The following KRT72 variants were observed in gnomAD, a reference collection of about 807,000 sequenced individuals.
KRT72 encodes the protein keratin, type II cytoskeletal 72.
A neutral mutation model predicts 44.7 loss-of-function variants in KRT72; 44 were observed. The ratio of observed to expected loss-of-function variants is 0.98; its 90% CI spans 0.77 to 1.27. The LOEUF (loss-of-function observed/expected upper bound fraction) is 1.27. Ranked by LOEUF, KRT72 falls within the 50% of genes most tolerant of loss-of-function variation. The probability of loss-of-function intolerance (pLI) is 0.00; values close to 1 mark genes in which losing one functional copy is unlikely to be tolerated. For missense variants in KRT72, 736 were observed against 667.1 expected (o/e 1.10, Z -1.14); for synonymous variants, 302 against 280.4 (o/e 1.08, Z -0.77).
In KRT72 at chr12:52,595,282, G is replaced by A. The variant is rs561665032; in HGVS notation, c.642-2330C>T. ...TTATTATTTAAAAATATATTACAAT[G>A]AATAATTAAAAGTTAAATCATTAAA... On this transcript the variant is annotated intron_variant, in intron 2 of 8. Coordinates refer to ENST00000293745, the MANE Select transcript of KRT72 (RefSeq NM_080747.3). Among the ~76,000 whole-genome samples, 28 of 151,982 alleles carry A rather than the reference G, an allele frequency of 1.8e-4. 1 individual carries two copies. Among genetic ancestry groups the A allele is most frequent in the African/African-American group, 6.7e-4 (28 of 41,490 alleles).
intron 7 of KRT72, among the ~76,000 whole-genome samples, chr12:52,587,222 A>G (rs937413399): frequency 5.9e-5 from 9 of 152,016 alleles, no homozygotes; most frequent in African/African-American, 2.2e-4. Flanking sequence ...GTGTGGGATC[A>G]TTAGGCCTCC....
intron 2 of KRT72, among the ~76,000 whole-genome samples, chr12:52,596,480 G>A (rs1158017103): frequency 1.3e-5 from 2 of 151,320 alleles, no homozygotes; most frequent in African/African-American, 4.9e-5. Flanking sequence ...TTCGTTGTTT[G>A]GATAACTCAA....
intron 1 of KRT72, among the ~76,000 whole-genome samples, chr12:52,600,513 G>T (rs1400127903): frequency 1.3e-5 from 2 of 152,128 alleles, no homozygotes; most frequent in Admixed American, 1.3e-4. Flanking sequence ...GAGGGACCCA[G>T]GGGGGAGGTA....
At chr12:52,587,027 C>G in intron 7 of KRT72, 47 bp from the exon 8 acceptor site, 1 of 1,579,934 alleles carries the variant, frequency 6.3e-7, no homozygotes, top group East Asian at 2.2e-5. Context: ...AAATAATCAC[C>G]CCAACCACCT....
At chr12:52,596,810 C>T (rs924415310) in intron 2 of KRT72, among the ~76,000 whole-genome samples, 5 of 152,064 alleles carry the variant, frequency 3.3e-5, no homozygotes, top group African/African-American at 7.2e-5. Flanking sequence ...CTCAGCCTCC[C>T]GAAGTGCTGG....
At chr12:52,593,201 T>G (rs1036937456) in intron 2 of KRT72, among the ~76,000 whole-genome samples, 1 of 152,216 alleles carries the variant, frequency 6.6e-6, no homozygotes, top group South Asian at 2.1e-4. Context: ...GTGGTTGAGA[T>G]GTCATGCAGA....
chr12:52,591,381 C>CGCACACACACGTACACAT, intron 5 of KRT72, 83 bp downstream of exon 5: 2 of 1,174,810 alleles, frequency 1.7e-6, no homozygotes, highest in Non-Finnish European at 2.4e-6. Flanking sequence ...CACAAACACA[C>CGCACACACACGTACACAT]GCACACACAC....
chr12:52,601,697 G>C, upstream of KRT72: 2 of 531,396 alleles, frequency 3.8e-6, no homozygotes, highest in Non-Finnish European at 6.5e-6. Context: ...AAGTGACCCA[G>C]AACCCAGCAT....
intron 1 of KRT72, 79 bp downstream of exon 1, chr12:52,600,948 C>T: frequency 1.3e-6 from 2 of 1,515,704 alleles, no homozygotes; most frequent in Non-Finnish European, 9.0e-7. Context: ...CACGCTCCCA[C>T]ACAGCTCGCC....
intron 1 of KRT72, among the ~76,000 whole-genome samples, chr12:52,599,750 T>G (rs7960040): frequency 0.18 from 28,001 of 152,068 alleles, 2,747 homozygotes; most frequent in Non-Finnish European, 0.23. Context: ...GCTGCTGTGT[T>G]TCTTCCATGC....
intron 2 of KRT72, among the ~76,000 whole-genome samples, chr12:52,593,212 C>T (rs10876311): frequency 0.35 from 52,640 of 152,040 alleles, 9,788 homozygotes; most frequent in East Asian, 0.59. Context: ...GTCATGCAGA[C>T]TCTACTGTCC....
intron 3 of KRT72, 79 bp downstream of exon 3, chr12:52,592,813 C>T: frequency 7.8e-7 from 1 of 1,285,474 alleles, no homozygotes; most frequent in Non-Finnish European, 1.1e-6. Context: ...CTACAGGGCC[C>T]CTTTCCTCAC....
At chr12:52,600,178 T>C (rs1351964059) in intron 1 of KRT72, among the ~76,000 whole-genome samples, 3 of 152,132 alleles carry the variant, frequency 2.0e-5, no homozygotes, top group South Asian at 2.1e-4. Context: ...CTCCTCAGCC[T>C]CACCCTTCAG....
intron 6 of KRT72, among the ~76,000 whole-genome samples, chr12:52,588,710 A>C (rs959704746): frequency 5.9e-5 from 9 of 152,102 alleles, no homozygotes; most frequent in African/African-American, 2.2e-4. Context: ...TAAATAAATA[A>C]AATAGACTGG....
chr12:52,600,956 G>T, intron 1 of KRT72, 71 bp downstream of exon 1: 3 of 1,530,496 alleles, frequency 2.0e-6, no homozygotes, highest in Non-Finnish European at 2.7e-6. Flanking sequence ...CACACAGCTC[G>T]CCAGTGGCAG....
intron 6 of KRT72, among the ~76,000 whole-genome samples, chr12:52,589,435 C>T (rs1201585535): frequency 1.3e-4 from 20 of 152,210 alleles, no homozygotes; most frequent in Non-Finnish European, 1.5e-5. Flanking sequence ...AGTGGCCACA[C>T]ACACTGTCAC....
At chr12:52,586,818 T>A in intron 8 of KRT72, 128 bp downstream of exon 8, 2 of 886,644 alleles carry the variant, frequency 2.3e-6, no homozygotes, top group South Asian at 2.8e-5. Context: ...GCCAGCTCCT[T>A]CCTTTTTCCC....
intron 4 of KRT72, 42 bp downstream of exon 4, chr12:52,592,354 T>C (rs1940065313): frequency 7.1e-7 from 1 of 1,400,598 alleles, no homozygotes; most frequent in African/African-American, 1.4e-5. Context: ...AACCTCTTGT[T>C]AAAGGAGCAG....
chr12:52,601,804 G>A (rs902948423), upstream of KRT72, among the ~76,000 whole-genome samples: 3 of 152,314 alleles, frequency 2.0e-5, no homozygotes, highest in Non-Finnish European at 1.5e-5. Context: ...GATCACCCCT[G>A]GAAACTTCCA....
Sources: gnomAD v4.1 joint callset for allele counts (sites outside exome capture counted in the v4.1 genomes callset) on GRCh38, gnomAD v4.1.1 for gene constraint, MANE v1.5 for transcripts, NCBI Gene and HGNC (gene_info 2026-07-23, HGNC 2026-07-21) for gene names.